DNAJC1: variants seen among roughly 807,000 people sequenced by gnomAD.
DNAJC1 encodes the protein DnaJ heat shock protein family (Hsp40) member C1, also known as dnaJ homolog subfamily C member 1.
A neutral mutation model predicts 76.6 loss-of-function variants in DNAJC1; 58 were observed. The ratio of observed to expected loss-of-function variants is 0.76; its 90% CI spans 0.61 to 0.94. The LOEUF (loss-of-function observed/expected upper bound fraction) is 0.94. Among genes scored for constraint, DNAJC1 ranks in the 40% least tolerant of loss-of-function variants. DNAJC1 has a pLI of 0.00. For synonymous variants in DNAJC1, 258 were observed against 267.9 expected (o/e 0.96, Z 0.36); for missense variants, 689 against 677.3 (o/e 1.02, Z -0.19).
intron 10 of DNAJC1, among the ~76,000 whole-genome samples, chr10:21,762,172 C>T (rs1185201986): frequency 1.3e-5 from 2 of 152,148 alleles, no homozygotes; most frequent in Admixed American, 1.3e-4. Context: ...CTCTTGACCT[C>T]GTGATCTGAG....
At chr10:21,782,566 C>T (rs1003716189) in intron 9 of DNAJC1, among the ~76,000 whole-genome samples, 5 of 152,178 alleles carry the variant, frequency 3.3e-5, no homozygotes, top group Non-Finnish European at 5.9e-5. Context: ...CCAGCATCAT[C>T]CTGATACCAA....
intron 8 of DNAJC1, among the ~76,000 whole-genome samples, chr10:21,820,661 G>GTTCC (rs1180447184): frequency 1.3e-5 from 2 of 152,150 alleles, no homozygotes; most frequent in Admixed American, 1.3e-4. Context: ...GTCCCCAGGA[G>GTTCC]TTCCCCCCAG....
intron 9 of DNAJC1, among the ~76,000 whole-genome samples, chr10:21,772,325 G>C (rs1448633261): frequency 1.6e-5 from 2 of 125,200 alleles, no homozygotes; most frequent in African/African-American, 6.2e-5. Flanking sequence ...ATGTTTGGTA[G>C]AATTCAGTGG....
At chr10:21,878,037 C>T (rs1389681486) in intron 8 of DNAJC1, among the ~76,000 whole-genome samples, 1 of 152,172 alleles carries the variant, frequency 6.6e-6, no homozygotes, top group Admixed American at 6.5e-5. Context: ...TCTGAAATGG[C>T]AGCCAACAGC....
chr10:21,816,691 G>T (rs1270754836), intron 8 of DNAJC1, among the ~76,000 whole-genome samples: 1 of 150,528 alleles, frequency 6.6e-6, no homozygotes, highest in African/African-American at 2.4e-5. Context: ...AACTACAGGC[G>T]CCACCCACCA....
At position 21,766,245 on chromosome 10, in the gene DNAJC1, G is replaced by C. The variant is rs745511625; in HGVS notation, c.1147+16C>G. On this transcript the variant is annotated intron_variant, in intron 10 of 11. Coordinates refer to ENST00000376980, the MANE Select transcript of DNAJC1 (RefSeq NM_022365.4). ...AACCACTTTAGATTAATGAGATAGA[G>C]GAAGTATGAACTCACCTGGGGAGCA... 1 of 1,587,406 alleles carries C rather than the reference G, an allele frequency of 6.3e-7. No homozygotes were observed. Among genetic ancestry groups the C allele is most frequent in the Non-Finnish European group, 8.6e-7 (1 of 1,156,092 alleles).
chr10:21,810,107 G>T (rs1834940789), intron 8 of DNAJC1, among the ~76,000 whole-genome samples: 1 of 152,042 alleles, frequency 6.6e-6, no homozygotes, highest in Admixed American at 6.5e-5. Flanking sequence ...AGTCACATTG[G>T]GAGTTAGGGC....
At chr10:21,943,484 T>C (rs1218867298) in intron 1 of DNAJC1, among the ~76,000 whole-genome samples, 1 of 152,190 alleles carries the variant, frequency 6.6e-6, no homozygotes, top group African/African-American at 2.4e-5. Context: ...TACCTTCCAA[T>C]AGCAATGTCA....
chr10:21,832,302 G>A (rs527677094), intron 8 of DNAJC1, among the ~76,000 whole-genome samples: 1 of 152,028 alleles, frequency 6.6e-6, no homozygotes, highest in African/African-American at 2.4e-5. Context: ...TCTCCTAGAT[G>A]TTTTTCTTCT....
At chr10:21,883,251 AACACACACACACACAC>A (rs3032395) in intron 7 of DNAJC1, among the ~76,000 whole-genome samples, 5,146 of 129,010 alleles carry the variant, frequency 0.04, 157 homozygotes, top group African/African-American at 0.084. Context: ...TTCTATCTCA[AACACACACACACACAC>A]ACACACACAC....
intron 7 of DNAJC1, among the ~76,000 whole-genome samples, chr10:21,891,612 G>C (rs1298662576): frequency 2.0e-5 from 3 of 151,982 alleles, no homozygotes; most frequent in Non-Finnish European, 4.4e-5. Flanking sequence ...TCAAATGACA[G>C]TGTATTTCTC....
At chr10:21,865,239 A>C (rs1360034279) in intron 8 of DNAJC1, 3 of 152,274 alleles carry the variant, frequency 2.0e-5, no homozygotes, top group African/African-American at 7.2e-5. Context: ...AAATGAAAGC[A>C]TATGTCCACA....
intron 8 of DNAJC1, among the ~76,000 whole-genome samples, chr10:21,841,968 A>G (rs1462562747): frequency 1.3e-5 from 2 of 151,906 alleles, no homozygotes; most frequent in Non-Finnish European, 2.9e-5. Context: ...GAAACTGGAA[A>G]CCATCATTCT....
chr10:21,965,977 T>C (rs1237939782), intron 1 of DNAJC1, among the ~76,000 whole-genome samples: 1 of 152,206 alleles, frequency 6.6e-6, no homozygotes, highest in Admixed American at 6.5e-5. Flanking sequence ...TCACTGCATT[T>C]GGTTTTCAGA....
At chr10:21,794,548 C>T (rs893251838) in intron 9 of DNAJC1, among the ~76,000 whole-genome samples, 5 of 152,010 alleles carry the variant, frequency 3.3e-5, no homozygotes, top group Admixed American at 1.3e-4. Context: ...TTAAATCTCA[C>T]ATTAAACACA....
intron 8 of DNAJC1, among the ~76,000 whole-genome samples, chr10:21,826,690 G>T (rs1050684237): frequency 2.6e-5 from 4 of 151,922 alleles, no homozygotes; most frequent in Non-Finnish European, 5.9e-5. Flanking sequence ...ATACTATAAC[G>T]TAATAGTCCA....
chr10:21,898,551 CTT>C (rs1284887784), intron 7 of DNAJC1, among the ~76,000 whole-genome samples: 10 of 137,286 alleles, frequency 7.3e-5, no homozygotes, highest in Admixed American at 1.5e-4. Context: ...CTATACTATA[CTT>C]TTTTTTTTTT....
intron 9 of DNAJC1, among the ~76,000 whole-genome samples, chr10:21,772,935 A>G (rs964595733): frequency 6.6e-6 from 1 of 152,140 alleles, no homozygotes; most frequent in African/African-American, 2.4e-5. Context: ...AGCACTTCAC[A>G]TGCCAGAGCA....
At position 21,904,551 on chromosome 10, in the gene DNAJC1, A is replaced by C. The variant is rs1490311415; in HGVS notation, c.791T>G (p.Leu264Arg). The change falls in exon 7 of 12, where the codon CTG (leucine) becomes CGG (arginine). Residue 264 changes from leucine to arginine, a missense_variant. Coordinates refer to ENST00000376980, the MANE Select transcript of DNAJC1 (RefSeq NM_022365.4). Reference protein sequence around the residue: ...ETRLKEKEDALTRTELETLQK... With the variant: ...ETRLKEKEDARTRTELETLQK... ...AAGTGTTTCAAGTTCAGTTCTAGTCAGTGCATCTTCCTTTTCCTTCAATCT... is the reference window on the plus strand; with the variant it reads ...AAGTGTTTCAAGTTCAGTTCTAGTCCGTGCATCTTCCTTTTCCTTCAATCT... 4 of 1,605,502 alleles carry C rather than the reference A, an allele frequency of 2.5e-6. No homozygotes were observed. Among genetic ancestry groups the C allele is most frequent in the Middle Eastern group, 1.7e-4 (1 of 6,046 alleles).
Sources: gnomAD v4.1 joint callset for allele counts (sites outside exome capture counted in the v4.1 genomes callset) on GRCh38, gnomAD v4.1.1 for gene constraint, MANE v1.5 for transcripts, NCBI Gene and HGNC (gene_info 2026-07-23, HGNC 2026-07-21) for gene names.